The following AK9 variants were observed in gnomAD, a reference collection of about 807,000 sequenced individuals.
AK9 encodes adenylate kinase 9, also known as adenylate kinase domain containing 1.
A neutral mutation model predicts 239.6 loss-of-function variants in AK9; 191 were observed. The observed-to-expected ratio is 0.80, with a 90% CI of 0.71 to 0.90. AK9 has a LOEUF of 0.90. Ranked by LOEUF, AK9 falls within the 40% of genes least tolerant of loss-of-function variation. AK9 has a pLI of 0.00. For missense variants in AK9, 1,995 were observed against 2,214.7 expected, an observed-to-expected ratio of 0.90 and a Z score of 1.99; for synonymous variants, 689 against 721.0, an observed-to-expected ratio of 0.96 and a Z score of 0.71.
intron 12 of AK9, among the ~76,000 whole-genome samples, chr6:109,629,553 A>G (rs1259084098): frequency 6.6e-6 from 1 of 152,202 alleles, no homozygotes; most frequent in Non-Finnish European, 1.5e-5. Flanking sequence ...TTTGAAATGT[A>G]TCACACCATC....
chr6:109,603,128 T>C (rs1436484919), intron 17 of AK9, among the ~76,000 whole-genome samples: 1 of 152,224 alleles, frequency 6.6e-6, no homozygotes, highest in African/African-American at 2.4e-5. Flanking sequence ...GCTGCATCCC[T>C]TTGGAGGGGG....
intron 9 of AK9, among the ~76,000 whole-genome samples, chr6:109,642,660 A>T (rs1797598375): frequency 6.6e-6 from 1 of 152,078 alleles, no homozygotes; most frequent in African/African-American, 2.4e-5. Context: ...TTGAAGGAGA[A>T]GCCTGCTGTA....
intron 10 of AK9, among the ~76,000 whole-genome samples, chr6:109,640,750 G>C (rs938676947): frequency 6.6e-6 from 1 of 152,030 alleles, no homozygotes; most frequent in African/African-American, 2.4e-5. Flanking sequence ...AGGTGAAACT[G>C]AGCTTCTCAG....
chr6:109,681,678 T>C (rs899196175), intron 1 of AK9, among the ~76,000 whole-genome samples: 85 of 152,158 alleles, frequency 5.6e-4, no homozygotes, highest in African/African-American at 2.0e-3. Context: ...TATTCTAAAA[T>C]TGACCACATA....
chr6:109,677,885 C>T (rs1178299372), intron 1 of AK9, among the ~76,000 whole-genome samples: 3 of 152,096 alleles, frequency 2.0e-5, no homozygotes, highest in Non-Finnish European at 4.4e-5. Flanking sequence ...ACATGTATAT[C>T]AGAATGGCTA....
chr6:109,545,771 CCT>C, intron 26 of AK9, 94 bp downstream of exon 26: 1 of 1,436,256 alleles, frequency 7.0e-7, no homozygotes, highest in Non-Finnish European at 9.3e-7. Flanking sequence ...CCACTGCCTT[CCT>C]GTCTGGGTGA....
intron 5 of AK9, among the ~76,000 whole-genome samples, chr6:109,669,025 T>C (rs1002342978): frequency 6.7e-6 from 1 of 148,524 alleles, no homozygotes; most frequent in Admixed American, 6.9e-5. Flanking sequence ...TTCCTATCCA[T>C]GAGCATGGAA....
chr6:109,600,912 A>T (rs1005806226), intron 17 of AK9, among the ~76,000 whole-genome samples: 27 of 152,076 alleles, frequency 1.8e-4, no homozygotes, highest in Non-Finnish European at 4.0e-4. Flanking sequence ...TTTCCGTGGG[A>T]TCAGTGGTGA....
chr6:109,541,787 G>C (rs1436397789), intron 27 of AK9, among the ~76,000 whole-genome samples: 2 of 152,166 alleles, frequency 1.3e-5, no homozygotes, highest in African/African-American at 4.8e-5. Flanking sequence ...ATGCACTTTA[G>C]AATAACCTGA....
chr6:109,514,944 G>T (rs1003396704), intron 31 of AK9, among the ~76,000 whole-genome samples: 1 of 152,146 alleles, frequency 6.6e-6, no homozygotes, highest in East Asian at 1.9e-4. Flanking sequence ...TGAATCTGGT[G>T]GGACTGGTGT....
At chr6:109,580,900 C>T (rs887709763) in intron 19 of AK9, among the ~76,000 whole-genome samples, 18 of 101,868 alleles carry the variant, frequency 1.8e-4, no homozygotes, top group African/African-American at 2.9e-4. Context: ...TTACAGATAT[C>T]GTGGTTTTTT....
At chr6:109,654,444 G>T (rs1184357040) in intron 8 of AK9, among the ~76,000 whole-genome samples, 1 of 151,956 alleles carries the variant, frequency 6.6e-6, no homozygotes, top group Non-Finnish European at 1.5e-5. Context: ...TGATTCTCCT[G>T]CCTCAGCCTC....
intron 8 of AK9, among the ~76,000 whole-genome samples, chr6:109,653,667 T>C (rs1799288220): frequency 1.2e-5 from 1 of 81,464 alleles, no homozygotes; most frequent in African/African-American, 4.2e-5. Flanking sequence ...TCCTTTCTTG[T>C]TTAGATTTTT....
chr6:109,566,703 A>G (rs751321644), intron 21 of AK9, among the ~76,000 whole-genome samples: 3 of 152,168 alleles, frequency 2.0e-5, no homozygotes, highest in Non-Finnish European at 2.9e-5. Context: ...TATAATGGAC[A>G]CTGGAGACTC....
intron 27 of AK9, among the ~76,000 whole-genome samples, chr6:109,538,238 C>G (rs1179072688): frequency 1.3e-5 from 2 of 152,142 alleles, no homozygotes; most frequent in African/African-American, 4.8e-5. Flanking sequence ...GTGTGGGAGT[C>G]TAAGCCTCTT....
chr6:109,673,405 T>C (rs1253924119), intron 3 of AK9, among the ~76,000 whole-genome samples: 5 of 152,186 alleles, frequency 3.3e-5, no homozygotes. Context: ...TAACATTTCT[T>C]AGAATGATGT....
Position 109,573,538 on chromosome 6 carries a change from C to A in AK9, c.2248G>T (p.Val750Phe). The A allele has an allele frequency of 6.4e-7, 1 of 1,551,244 alleles. No individual in the cohort carries two copies. The highest frequency in any genetic ancestry group is 1.2e-5 in the South Asian group (1 of 84,000). The change falls in exon 21 of 41, where the codon GTT (valine) becomes TTT (phenylalanine). Residue 750 changes from valine to phenylalanine, a missense_variant. Around this residue, in one of 5 missense-constraint regions of AK9, gnomAD observed 1,290 missense variants for 1,392.7 expected, o/e 0.93. Transcript: ENST00000424296. ...TGAGATGCCTCAGGCTCTTCGTGAA[C>A]TTCCAACTCATCACCTTCAATCTCC... is the stretch of plus-strand genomic sequence containing the variant. Reference protein sequence around the residue: ...EEEIEGDELEVHEEPEASHDT... With the variant: ...EEEIEGDELEFHEEPEASHDT...
At chr6:109,607,939 G>T (rs955913251) in intron 17 of AK9, among the ~76,000 whole-genome samples, 4 of 151,856 alleles carry the variant, frequency 2.6e-5, no homozygotes, top group Non-Finnish European at 5.9e-5. Flanking sequence ...GGAGAAATAG[G>T]GTGCTGAAGG....
rs139521783 is a variant in AK9, at chr6:109,633,061, T to C, written c.1116A>G (p.Leu372=). The C allele has an allele frequency of 3.7e-3, 5,788 of 1,558,128 alleles. 30 individuals carry two copies. Among genetic ancestry groups the C allele is most frequent in the Middle Eastern group, 0.019 (112 of 5,794 alleles). ...KIYCLSSEEA[L]KPFLLNPRPY... ...GACGTGGGTTCAACAAAAATGGTTT[T>C]AATGCTTCTTCTGATGAAAGACAGT... is the stretch of plus-strand genomic sequence containing the variant. The change falls in exon 12 of 41, where the codon TTA becomes TTG. Residue 372 remains leucine (L), a synonymous_variant. Coordinates refer to ENST00000424296, the MANE Select transcript of AK9 (RefSeq NM_001145128.3).
Sources: allele counts gnomAD v4.1 joint callset (sites outside exome capture counted in the v4.1 genomes callset), GRCh38; gene constraint gnomAD v4.1.1; regional missense constraint gnomAD v4.1.1; transcripts MANE v1.5; gene names NCBI Gene and HGNC (gene_info 2026-07-23, HGNC 2026-07-21).